DCHS1: variants seen among roughly 807,000 people sequenced by gnomAD.
DCHS1 encodes protocadherin-16.
Under a neutral mutation model 213.9 loss-of-function variants are expected in DCHS1, and 78 were observed. The ratio of observed to expected loss-of-function variants is 0.36; its 90% confidence interval spans 0.30 to 0.44. The LOEUF is 0.44. Among genes scored for constraint, DCHS1 ranks in the 20% least tolerant of loss-of-function variants. The pLI, the probability that DCHS1 is intolerant of heterozygous loss-of-function variation, is 1.00. For synonymous variants in DCHS1, 1,828 were observed against 1,873.7 expected (o/e 0.98, Z 0.63); for missense variants, 3,946 against 4,395.9 (o/e 0.90, Z 2.89).
Position 6,640,769 on chromosome 11 carries a change from G to T in DCHS1, c.845C>A (p.Ala282Asp). 1.2e-6 allele frequency: 2 copies of T among 1,614,008 alleles called. No homozygotes were observed. The highest frequency in any genetic ancestry group is 1.7e-6 in the Non-Finnish European group (2 of 1,179,896). Residue 282 changes from alanine to aspartate, a missense_variant, in exon 2 of 21, where the codon GCC (alanine) becomes GAC (aspartate). Ala to Asp is a moderately radical substitution (Grantham distance 126). Transcript: ENST00000299441. This position sits in a 1 kb window ranked among gnomAD's most constrained non-coding sequence, Gnocchi z 6.5. Reference protein sequence around the residue: ...SPVLQVFASDADAGVNGAVTY... With the variant: ...SPVLQVFASDDDAGVNGAVTY... ...CACAGCCCCATTGACACCAGCATCG[G>T]CATCAGATGCGAACACCTGCAAGAC... is the stretch of plus-strand genomic sequence containing the variant.
chr11:6,635,962 G>C (rs1433142208), intron 2 of DCHS1, among the ~76,000 whole-genome samples: 1 of 152,180 alleles, frequency 6.6e-6, no homozygotes, highest in Non-Finnish European at 1.5e-5. Context: ...TCTCAGCTCA[G>C]CGTCTCAGTC....
chr11:6,626,494 A>C lies in DCHS1; in HGVS notation c.6364+58T>G. The C allele has an allele frequency of 6.2e-7, 1 of 1,606,518 alleles. No individual in the cohort carries two copies. Among genetic ancestry groups the C allele is most frequent in the South Asian group, 1.1e-5 (1 of 90,660 alleles). Reference sequence around the variant, plus strand: ...CACCCATCAAAGGCTCCTCTGATGCAAAGAACCTGCTTCCCCAGTAGCCTG... The same window carrying C: ...CACCCATCAAAGGCTCCTCTGATGCCAAGAACCTGCTTCCCCAGTAGCCTG... On this transcript the variant is annotated intron_variant, in intron 15 of 20. Transcript: ENST00000299441. The surrounding 1 kb of genome is among the most constrained non-coding windows in gnomAD (Gnocchi z 5.2).
At position 6,624,010 on chromosome 11, in the gene DCHS1, A is replaced by G; in HGVS notation, c.7666T>C (p.Leu2556=). The change falls in exon 21 of 21, where the codon TTG becomes CTG. Residue 2556 remains leucine, a synonymous_variant. Transcript: ENST00000299441. ...CTTTCAAAGTCTAGAGGTTCAAGCA[A>G]CACCAGGCAGCCCAGTGCCCGGGGG... The part of the protein sequence containing the change: ...PGPRALGCLV[L]LEPLDFESLT... The G allele has an allele frequency of 6.2e-7, 1 of 1,613,360 alleles. No individual in the cohort carries two copies. Among genetic ancestry groups the G allele is most frequent in the South Asian group, 1.1e-5 (1 of 91,080 alleles).
rs774918680 is a variant in DCHS1, at chr11:6,626,271, G to A, written c.6474C>T (p.Thr2158=). The A allele has an allele frequency of 8.7e-6, 14 of 1,613,200 alleles. No homozygotes were observed. Among genetic ancestry groups the A allele is most frequent in the South Asian group, 7.7e-5 (7 of 90,832 alleles). ...TGTCGTTGGCATCTTGCAGGGTCAG[G>A]GTCAGCACAGTGAAGGCAAAGGCTC... ...SGGAFAFTVL[T]LTLQDANDNA... is the part of the protein sequence containing the mutation. The change falls in exon 16 of 21, where the codon ACC becomes ACT. Residue 2158 remains threonine (T), a synonymous_variant. Coordinates refer to ENST00000299441, the MANE Select transcript of DCHS1 (RefSeq NM_003737.4). The surrounding 1 kb of genome is among the most constrained non-coding windows in gnomAD (Gnocchi z 5.2).
At position 6,631,343 on chromosome 11, in the gene DCHS1, C is replaced by T. The variant is rs747816810; in HGVS notation, c.3740G>A (p.Gly1247Glu). Reference sequence around the variant, plus strand: ...CGTGTACAAGATGGTCCCATTCTCCCCCTCATCTGGATCCTTCGCCTGCAG... The same window carrying T: ...CGTGTACAAGATGGTCCCATTCTCCTCCTCATCTGGATCCTTCGCCTGCAG... Reference protein sequence around the residue: ...TTLQAKDPDEGENGTILYTLT... With the variant: ...TTLQAKDPDEEENGTILYTLT... The change falls in exon 8 of 21, where the codon GGG becomes GAG. Residue 1247 changes from glycine to glutamate, a missense_variant. Gly to Glu is a moderately conservative substitution (Grantham distance 98). Around this residue, in one of 3 missense-constraint regions of DCHS1, gnomAD observed 3,384 missense variants for 3,780.1 expected, o/e 0.90. Transcript: ENST00000299441. The T allele has an allele frequency of 6.2e-7, 1 of 1,613,998 alleles. No individual in the cohort carries two copies. The highest frequency in any genetic ancestry group is 8.5e-7 in the Non-Finnish European group (1 of 1,179,872).
chr11:6,630,802 G>A lies in DCHS1; in HGVS notation c.3992C>T (p.Ala1331Val). 1 of 1,544,664 alleles carries A rather than the reference G, an allele frequency of 6.5e-7. No homozygotes were observed. Among genetic ancestry groups the A allele is most frequent in the Non-Finnish European group, 8.7e-7 (1 of 1,144,146 alleles). ...PPDLAERDPA[A>V]PVPVVLTVTA... ...CACCGTCAGCACGACAGGCACTGGT[G>A]CCGCTGGGTCCCGCTCTGCGAGATC... Residue 1331 changes from alanine (A) to valine (V), a missense_variant, in exon 10 of 21, where the codon GCA becomes GTA. Ala to Val is a moderately conservative substitution (Grantham distance 64). Around this residue, in one of 3 missense-constraint regions of DCHS1, gnomAD observed 3,384 missense variants for 3,780.1 expected, o/e 0.90. Coordinates refer to ENST00000299441, the MANE Select transcript of DCHS1 (RefSeq NM_003737.4).
At chr11:6,635,281 T>C (rs1012122669) in intron 2 of DCHS1, 1 of 152,156 alleles carries the variant, frequency 6.6e-6, no homozygotes, top group Admixed American at 6.5e-5. Flanking sequence ...ACATAGTAGG[T>C]GCTTTATGTG....
At position 6,654,573 on chromosome 11, in the gene DCHS1, G is replaced by A. The variant is rs1856288016; in HGVS notation, c.-121+990C>T. On this transcript the variant is annotated intron_variant, in intron 1 of 20. Transcript: ENST00000299441. ...GTGTGTTGTCATGAGAGCATTTTCCGTAGGTGTGTGTTGGCTTGATAGAGT... is the reference window on the plus strand; with the variant it reads ...GTGTGTTGTCATGAGAGCATTTTCCATAGGTGTGTGTTGGCTTGATAGAGT... 5.3e-5 allele frequency among the ~76,000 whole-genome samples: 8 copies of A among 152,192 alleles called. No homozygotes were observed. The South Asian group carries it at 1.0e-3, about 20-fold the overall frequency.
At position 6,626,978 on chromosome 11, in the gene DCHS1, G is replaced by A. The variant is rs372587898; in HGVS notation, c.6061C>T (p.Arg2021Cys). ...TTVDSYTGEI[R>C]VARSPVALGP... ...AGAGCTACAGGAGAGCGGGCCACGC[G>A]GATTTCACCAGTGTAAGAGTCCACA... The change falls in exon 14 of 21, where the codon CGC becomes TGC. Residue 2021 changes from arginine to cysteine, a missense_variant. Physicochemically the swap from Arg to Cys is radical, Grantham distance 180. Around this residue, in one of 3 missense-constraint regions of DCHS1, gnomAD observed 3,384 missense variants for 3,780.1 expected, o/e 0.90. Transcript: ENST00000299441. This position sits in a 1 kb window ranked among gnomAD's most constrained non-coding sequence, Gnocchi z 5.2. 62 of 1,613,638 alleles carry A rather than the reference G, an allele frequency of 3.8e-5. No homozygotes were observed. Among genetic ancestry groups the A allele is most frequent in the Middle Eastern group, 1.6e-4 (1 of 6,084 alleles).
At position 6,625,071 on chromosome 11, in the gene DCHS1, C is replaced by T; in HGVS notation, c.7146+127G>A. 1 of 1,417,192 alleles carries T rather than the reference C, an allele frequency of 7.1e-7. No homozygotes were observed. The highest frequency in any genetic ancestry group is 1.4e-5 in the South Asian group (1 of 71,862). 87.8% of individuals were successfully genotyped at this position (1,417,192 alleles called of 1,614,324 possible). ...CAAAACCAGGATGTAGTTCACAGGACTTGGGACCTTCCCATTCCCAGATCA... is the reference window on the plus strand; with the variant it reads ...CAAAACCAGGATGTAGTTCACAGGATTTGGGACCTTCCCATTCCCAGATCA... On this transcript the variant is annotated intron_variant, in intron 19 of 20. Coordinates refer to ENST00000299441, the MANE Select transcript of DCHS1 (RefSeq NM_003737.4). This position sits in a 1 kb window ranked among gnomAD's most constrained non-coding sequence, Gnocchi z 5.3.
In DCHS1 at chr11:6,622,072, G is replaced by T; in HGVS notation, c.9604C>A (p.Pro3202Thr). Residue 3202 changes from proline to threonine, a missense_variant, in exon 21 of 21, where the codon CCA (proline) becomes ACA (threonine). This residue lies in a region of DCHS1 where 554 missense variants were observed against 590.2 expected (regional missense o/e 0.94). Coordinates refer to ENST00000299441, the MANE Select transcript of DCHS1 (RefSeq NM_003737.4). The surrounding 1 kb of genome is among the most constrained non-coding windows in gnomAD (Gnocchi z 5.4). ...TGGGCCACGGCAGTGATGAGGGGTG[G>T]TGGGTCGATACGGGGAGCTGGGGGA... is the stretch of plus-strand genomic sequence containing the variant. ...PCPPAPRIDP[P>T]PLITAVAHPG... is the part of the protein sequence containing the mutation. The T allele has an allele frequency of 6.2e-7, 1 of 1,612,876 alleles. No individual in the cohort carries two copies. The highest frequency in any genetic ancestry group is 8.5e-7 in the Non-Finnish European group (1 of 1,179,628).
At position 6,633,615 on chromosome 11, in the gene DCHS1, C is replaced by T. The variant is rs774036164; in HGVS notation, c.2252G>A (p.Arg751Gln). ...LLTVAWPLAR[R>Q]ANSVVQLEIG... is the part of the protein sequence containing the mutation. ...CTCCAGCTGCACCACAGAATTGGCC[C>T]GTCTGGCCAAGGGCCAGGCTACTGT... Residue 751 changes from arginine to glutamine, a missense_variant, in exon 5 of 21, where the codon CGG (arginine) becomes CAG (glutamine). Physicochemically the swap from Arg to Gln is conservative, Grantham distance 43. Around this residue, in one of 3 missense-constraint regions of DCHS1, gnomAD observed 3,384 missense variants for 3,780.1 expected, o/e 0.90. Transcript: ENST00000299441. 3.1e-6 allele frequency: 5 copies of T among 1,599,060 alleles called. No homozygotes were observed. Among genetic ancestry groups the T allele is most frequent in the East Asian group, 2.3e-5 (1 of 44,038 alleles).
chr11:6,624,597 CAG>C (rs1855763233), intron 20 of DCHS1, 131 bp downstream of exon 20: 3 of 1,423,376 alleles, frequency 2.1e-6, no homozygotes, highest in Non-Finnish European at 2.9e-6. Flanking sequence ...ATAATGAAGA[CAG>C]AGGGGAGGAA....
chr11:6,639,441 C>A (rs1856032994), intron 2 of DCHS1, among the ~76,000 whole-genome samples: 1 of 152,200 alleles, frequency 6.6e-6, no homozygotes, highest in African/African-American at 2.4e-5. Context: ...ACTTGACAAG[C>A]AATGGAGGGC....
chr11:6,631,773 T>A lies in DCHS1; in HGVS notation c.3518A>T (p.Gln1173Leu). 1 of 1,575,096 alleles carries A rather than the reference T, an allele frequency of 6.3e-7. No individual in the cohort carries two copies. Among genetic ancestry groups the A allele is most frequent in the Non-Finnish European group, 8.6e-7 (1 of 1,161,528 alleles). The stretch of plus-strand genomic sequence containing the variant: ...CACCAGGAGCTGATAGCTGCTCTGC[T>A]GCTCACGGTCCAGGGTTTGGAGTGT... The part of the protein sequence containing the change: ...VTTLQTLDRE[Q>L]QSSYQLLVQV... Residue 1173 changes from glutamine to leucine, a missense_variant, in exon 7 of 21, where the codon CAG (glutamine) becomes CTG (leucine). This residue lies in a region of DCHS1 where 3,384 missense variants were observed against 3,780.1 expected (regional missense o/e 0.90). Coordinates refer to ENST00000299441, the MANE Select transcript of DCHS1 (RefSeq NM_003737.4).
In DCHS1 at chr11:6,631,395, C is replaced by A. The variant is rs775773733; in HGVS notation, c.3688G>T (p.Val1230Leu). The change falls in exon 8 of 21, where the codon GTG becomes TTG. Residue 1230 changes from valine (V) to leucine (L), a missense_variant. By Grantham distance (32) the Val-to-Leu change is conservative (BLOSUM62 1). Around this residue, in one of 3 missense-constraint regions of DCHS1, gnomAD observed 3,384 missense variants for 3,780.1 expected, o/e 0.90. Transcript: ENST00000299441. ...GTCGTCACCAGTGTTCCCGGAGGCA[C>A]GCGGTCTGGTACCTGTGGGAACACA... ...GGLPIQVPDR[V>L]PPGTLVTTLQ... The A allele has an allele frequency of 6.2e-7, 1 of 1,613,982 alleles. No individual in the cohort carries two copies. Among genetic ancestry groups the A allele is most frequent in the South Asian group, 1.1e-5 (1 of 91,080 alleles).
chr11:6,626,968 C>T lies in DCHS1; in HGVS notation c.6071G>A (p.Arg2024His), dbSNP rs760868502. ...DSYTGEIRVA[R>H]SPVALGPRDR... Reference sequence around the variant, plus strand: ...TCGGGGGCCTAGAGCTACAGGAGAGCGGGCCACGCGGATTTCACCAGTGTA... The same window carrying T: ...TCGGGGGCCTAGAGCTACAGGAGAGTGGGCCACGCGGATTTCACCAGTGTA... The change falls in exon 14 of 21, where the codon CGC (arginine) becomes CAC (histidine). Residue 2024 changes from arginine (R) to histidine (H), a missense_variant. Arg to His is a conservative substitution (Grantham distance 29, BLOSUM62 0). Coordinates refer to ENST00000299441, the MANE Select transcript of DCHS1 (RefSeq NM_003737.4). This position sits in a 1 kb window ranked among gnomAD's most constrained non-coding sequence, Gnocchi z 5.2. 1.1e-5 allele frequency: 17 copies of T among 1,613,686 alleles called. No individual in the cohort carries two copies. The highest frequency in any genetic ancestry group is 3.3e-5 in the Admixed American group (2 of 60,006).
Position 6,655,586 on chromosome 11 carries a change from G to A in DCHS1, c.-144C>T, listed in dbSNP as rs1340563475. On this transcript the variant is annotated 5_prime_UTR_variant, in exon 1 of 21. Coordinates refer to ENST00000299441, the MANE Select transcript of DCHS1 (RefSeq NM_003737.4). ...ACCTCCGCGCGACGCGGGCTCCCTC[G>A]CCCGGTGCTGGGGCGCCGTCCGGCC... 1.0e-6 allele frequency: 1 copy of A among 980,048 alleles called. No individual in the cohort carries two copies. Among genetic ancestry groups the A allele is most frequent in the African/African-American group, 1.8e-5 (1 of 56,558 alleles). 60.7% of individuals were successfully genotyped at this position (980,048 alleles called of 1,614,324 possible).
At chr11:6,624,418 TA>T in intron 20 of DCHS1, 28 bp from the exon 21 acceptor site, 1 of 1,520,720 alleles carries the variant, frequency 6.6e-7, no homozygotes. Flanking sequence ...GGGAAAGAAA[TA>T]TATTCAGCAA....
Sources: allele counts gnomAD v4.1 joint callset (sites outside exome capture counted in the v4.1 genomes callset), GRCh38; gene constraint gnomAD v4.1.1; regional missense constraint gnomAD v4.1.1; non-coding constraint Gnocchi (gnomAD v3.1); transcripts MANE v1.5; gene names NCBI Gene and HGNC (gene_info 2026-07-23, HGNC 2026-07-21).